Variants in TBC1D30 observed in about 807,000 individuals in gnomAD.
TBC1D30 encodes the protein TBC1 domain family member 30.
A neutral mutation model predicts 63.2 loss-of-function variants in TBC1D30; 31 were observed. The observed-to-expected ratio is 0.49, with a 90% CI of 0.37 to 0.66. TBC1D30 has a LOEUF of 0.66. TBC1D30 is among the 30% of genes least tolerant of loss of function. TBC1D30 has a pLI of 0.00. For synonymous variants in TBC1D30, 307 were observed against 361.5 expected, an observed-to-expected ratio of 0.85 and a Z score of 1.71; for missense variants, 810 against 953.6, an observed-to-expected ratio of 0.85 and a Z score of 1.98.
chr12:64,860,121 G>A (rs563889608), intron 8 of TBC1D30, among the ~76,000 whole-genome samples: 32 of 150,822 alleles, frequency 2.1e-4, no homozygotes, highest in Middle Eastern at 3.4e-3. Context: ...GGGCTCAAGC[G>A]ATTCTCCCAC....
At chr12:64,778,664 C>A (rs1434272930), upstream of TBC1D30, among the ~76,000 whole-genome samples, 2 of 144,398 alleles carry the variant, frequency 1.4e-5, no homozygotes, top group Non-Finnish European at 3.0e-5. Context: ...TCATGTGATT[C>A]TCAGGCATGG....
intron 1 of TBC1D30, among the ~76,000 whole-genome samples, chr12:64,767,798 G>T (rs1870771447): frequency 6.7e-5 from 2 of 29,634 alleles, no homozygotes; most frequent in Non-Finnish European, 7.1e-5. Flanking sequence ...CGGGGGGGGG[G>T]GGAGGGGGGG....
chr12:64,835,699 C>T (rs893685457), intron 5 of TBC1D30, among the ~76,000 whole-genome samples: 2 of 152,044 alleles, frequency 1.3e-5, no homozygotes, highest in Non-Finnish European at 2.9e-5. Flanking sequence ...CTGACTTCTC[C>T]GATTCCACTG....
chr12:64,839,329 G>T (rs1429374568), intron 7 of TBC1D30, among the ~76,000 whole-genome samples: 1 of 152,154 alleles, frequency 6.6e-6, no homozygotes, highest in Non-Finnish European at 1.5e-5. Flanking sequence ...CTTTCATTAA[G>T]AATTAATTCT....
intron 9 of TBC1D30, among the ~76,000 whole-genome samples, chr12:64,866,285 C>T (rs1378287018): frequency 6.6e-6 from 1 of 152,112 alleles, no homozygotes. Flanking sequence ...TATGTGTGCT[C>T]AGAGAAACTG....
At position 64,875,439 on chromosome 12, in the gene TBC1D30, A is replaced by T. The variant is rs961292325; in HGVS notation, c.1937A>T (p.Asp646Val). 5 of 1,536,030 alleles carry T rather than the reference A, an allele frequency of 3.3e-6. No individual in the cohort carries two copies. Among genetic ancestry groups the T allele is most frequent in the African/African-American group, 1.4e-5 (1 of 72,998 alleles). ...QSPEPVFGDA[D>V]VDVSAVQAKL... is the part of the protein sequence containing the mutation. ...CCGGAGCCGGTGTTCGGAGATGCTG[A>T]TGTGGATGTGTCTGCAGTTCAGGCG... Residue 646 changes from aspartate to valine, a missense_variant, in exon 12 of 12, where the codon GAT (aspartate) becomes GTT (valine). Physicochemically the swap from Asp to Val is radical, Grantham distance 152 (BLOSUM62 -3). Coordinates refer to ENST00000539867, the MANE Select transcript of TBC1D30 (RefSeq NM_015279.2).
At chr12:64,818,129 C>T (rs1396026762) in intron 2 of TBC1D30, among the ~76,000 whole-genome samples, 1 of 151,606 alleles carries the variant, frequency 6.6e-6, no homozygotes, top group East Asian at 1.9e-4. Context: ...AATGGTTCAT[C>T]ATGACCAGGT....
At position 64,866,809 on chromosome 12, in the gene TBC1D30, C is replaced by T. The variant is rs577430987; in HGVS notation, c.1197C>T (p.Asp399=). 19 of 1,536,528 alleles carry T rather than the reference C, an allele frequency of 1.2e-5. No homozygotes were observed. Among genetic ancestry groups the T allele is most frequent in the East Asian group, 9.8e-5 (4 of 40,916 alleles). ...ARDSDEENDP[D]DEDAVVNAVG... is the part of the protein sequence containing the mutation. Reference sequence around the variant, plus strand: ...ACAGTGATGAAGAGAATGACCCAGACGATGAGGATGCTGTCGTTAATGCAG... The same window carrying T: ...ACAGTGATGAAGAGAATGACCCAGATGATGAGGATGCTGTCGTTAATGCAG... The change falls in exon 10 of 12, where the codon GAC becomes GAT. Residue 399 remains aspartate (D), a synonymous_variant. Transcript: ENST00000539867.
chr12:64,820,220 A>C (rs1873808350), upstream of TBC1D30, among the ~76,000 whole-genome samples: 1 of 152,210 alleles, frequency 6.6e-6, no homozygotes. Context: ...CCCCTTCTGG[A>C]AGCCCCTTGG....
intron 6 of TBC1D30, among the ~76,000 whole-genome samples, chr12:64,838,478 A>C (rs12146815): frequency 0.02 from 3,011 of 152,300 alleles, 48 homozygotes; most frequent in Middle Eastern, 0.054. Flanking sequence ...TATTGTAAAT[A>C]TTTTTTGAAG....
intron 2 of TBC1D30, among the ~76,000 whole-genome samples, chr12:64,812,861 A>C (rs1873296292): frequency 6.6e-6 from 1 of 152,014 alleles, no homozygotes; most frequent in Admixed American, 6.6e-5. Context: ...GCTTGTCTGC[A>C]TCGTAGCTCA....
intron 1 of TBC1D30, among the ~76,000 whole-genome samples, chr12:64,760,267 C>A (rs906628496): frequency 1.3e-5 from 2 of 151,978 alleles, no homozygotes; most frequent in Admixed American, 1.3e-4. Context: ...TTAGACTTTG[C>A]CCCTCTCCTC....
chr12:64,831,581 G>A (rs1874866521), intron 4 of TBC1D30, among the ~76,000 whole-genome samples: 3 of 152,188 alleles, frequency 2.0e-5, no homozygotes, highest in Non-Finnish European at 4.4e-5. Flanking sequence ...TTAAAGCATA[G>A]CAAATATTTC....
intron 2 of TBC1D30, among the ~76,000 whole-genome samples, chr12:64,799,552 A>G (rs2136314104): frequency 6.6e-6 from 1 of 152,318 alleles, no homozygotes; most frequent in East Asian, 1.9e-4. Context: ...TTATTTGAGG[A>G]GCAGGTGTTG....
chr12:64,857,545 T>C (rs1310518375), intron 8 of TBC1D30, among the ~76,000 whole-genome samples: 1 of 152,214 alleles, frequency 6.6e-6, no homozygotes, highest in Non-Finnish European at 1.5e-5. Context: ...TGAGCTGCAC[T>C]GCCTGGGGTT....
rs181143859 is a variant in TBC1D30 at position 64,854,976 on chromosome 12, T to C, written c.1039-9692T>C. ...GAAGAACTCTCTTTAGCATTTCTTA[T>C]AGGACAGGTCTAGTGTTGATGAAAT... On this transcript the variant is annotated intron_variant, in intron 8 of 11. Transcript: ENST00000539867. Among the ~76,000 whole-genome samples the C allele has an allele frequency of 1.1e-4, 16 of 152,376 alleles. No homozygotes were observed. The East Asian group carries it at 2.3e-3, about 22-fold the overall frequency.
intron 6 of TBC1D30, among the ~76,000 whole-genome samples, chr12:64,838,060 T>G (rs1875523017): frequency 6.6e-6 from 1 of 152,010 alleles, no homozygotes. Context: ...ACTGATCACA[T>G]AAAGTAAGAG....
In TBC1D30 at chr12:64,864,745, G is replaced by A. The variant is rs1164992076; in HGVS notation, c.1116G>A (p.Pro372=). ...AAAAATACACCTACAACATTACACC[G>A]TTCCCAGCCACAGTTAAACCCACCT... ...LREKYTYNIT[P]FPATVKPTSV... is the part of the protein sequence containing the mutation. The change falls in exon 9 of 12, where the codon CCG becomes CCA. Residue 372 remains proline, a synonymous_variant. Coordinates refer to ENST00000539867, the MANE Select transcript of TBC1D30 (RefSeq NM_015279.2). The A allele has an allele frequency of 3.3e-6, 5 of 1,535,826 alleles. No homozygotes were observed. Among genetic ancestry groups the A allele is most frequent in the African/African-American group, 1.4e-5 (1 of 73,088 alleles).
intron 8 of TBC1D30, among the ~76,000 whole-genome samples, chr12:64,848,297 T>C (rs115135850): frequency 0.012 from 1,835 of 152,170 alleles, 43 homozygotes; most frequent in African/African-American, 0.042. Flanking sequence ...TAGTATACTT[T>C]AAGTTCTGGG....
Sources: allele counts gnomAD v4.1 joint callset (sites outside exome capture counted in the v4.1 genomes callset), GRCh38; gene constraint gnomAD v4.1.1; transcripts MANE v1.5; gene names NCBI Gene and HGNC (gene_info 2026-07-23, HGNC 2026-07-21).